Variants in CDH20 observed in about 807,000 individuals in gnomAD.
CDH20 encodes the protein cadherin-20.
Under a neutral mutation model 74.2 loss-of-function variants are expected in CDH20, and 29 were observed. That is an observed-to-expected ratio of 0.39 (90% CI 0.29 to 0.53). The LOEUF (loss-of-function observed/expected upper bound fraction) is 0.53, where lower values mean the gene tolerates loss of function less well. Ranked by LOEUF, CDH20 falls within the 20% of genes least tolerant of loss-of-function variation. The pLI, the probability that CDH20 is intolerant of heterozygous loss-of-function variation, is 0.69. For synonymous variants in CDH20, 469 were observed against 405.4 expected, an observed-to-expected ratio of 1.16 and a Z score of -1.88; for missense variants, 988 against 1,048.3, an observed-to-expected ratio of 0.94 and a Z score of 0.79.
chr18:61,532,990 A>G (rs1451115708), intron 7 of CDH20, among the ~76,000 whole-genome samples: 1 of 152,222 alleles, frequency 6.6e-6, no homozygotes, highest in Non-Finnish European at 1.5e-5. Flanking sequence ...ATTGCATAAA[A>G]GTGACTTCAG....
At chr18:61,491,775 A>G (rs1599121861) in intron 2 of CDH20, among the ~76,000 whole-genome samples, 3 of 151,962 alleles carry the variant, frequency 2.0e-5, no homozygotes, top group African/African-American at 7.3e-5. Flanking sequence ...AGACCTCTCT[A>G]CTGCCCAATC....
At chr18:61,510,106 C>T (rs1455584288) in intron 6 of CDH20, among the ~76,000 whole-genome samples, 2 of 152,154 alleles carry the variant, frequency 1.3e-5, no homozygotes, top group African/African-American at 4.8e-5. Flanking sequence ...GTAGAAGGGT[C>T]CTGCACTGGA....
At chr18:61,549,271 T>TC (rs1478363637) in intron 10 of CDH20, among the ~76,000 whole-genome samples, 1 of 152,190 alleles carries the variant, frequency 6.6e-6, no homozygotes, top group Non-Finnish European at 1.5e-5. Context: ...ATTTGACTAA[T>TC]CCCCTTTAAA....
intron 1 of CDH20, among the ~76,000 whole-genome samples, chr18:61,416,989 C>T (rs901661369): frequency 2.0e-5 from 3 of 152,056 alleles, no homozygotes; most frequent in African/African-American, 7.2e-5. Context: ...ATATAAAGCA[C>T]CAGAAAAATA....
intron 6 of CDH20, among the ~76,000 whole-genome samples, chr18:61,527,121 A>C (rs1223477988): frequency 6.6e-6 from 1 of 152,160 alleles, no homozygotes; most frequent in East Asian, 1.9e-4. Context: ...TGGAGGTTGC[A>C]ATGAGCTGAG....
At chr18:61,447,350 C>A (rs1909235068) in intron 1 of CDH20, among the ~76,000 whole-genome samples, 1 of 152,142 alleles carries the variant, frequency 6.6e-6, no homozygotes, top group Admixed American at 6.6e-5. Flanking sequence ...ATAGCTAAAG[C>A]CACTGGTTGG....
intron 1 of CDH20, among the ~76,000 whole-genome samples, chr18:61,480,334 G>A (rs1325227126): frequency 1.3e-5 from 2 of 152,146 alleles, no homozygotes; most frequent in South Asian, 2.1e-4. Flanking sequence ...TTTTGCCAAG[G>A]TTGAGGACTC....
At chr18:61,541,360 T>G (rs2144397286) in intron 9 of CDH20, among the ~76,000 whole-genome samples, 1 of 152,068 alleles carries the variant, frequency 6.6e-6, no homozygotes, top group Non-Finnish European at 1.5e-5. Flanking sequence ...AAGCTAATTT[T>G]AATCTATAAT....
At chr18:61,470,571 C>A (rs908698245) in intron 1 of CDH20, among the ~76,000 whole-genome samples, 2 of 150,414 alleles carry the variant, frequency 1.3e-5, no homozygotes, top group Non-Finnish European at 2.9e-5. Flanking sequence ...TGCTCATTCA[C>A]GCCTTAACGG....
intron 1 of CDH20, among the ~76,000 whole-genome samples, chr18:61,401,615 G>A (rs1172327747): frequency 1.3e-5 from 2 of 152,326 alleles, no homozygotes; most frequent in South Asian, 4.1e-4. Context: ...AAGTCTATAA[G>A]TAATGTTGAT....
rs1310219320 is a variant in CDH20, at chr18:61,555,158, C to G, written c.*463C>G. The G allele has an allele frequency of 2.0e-6, 2 of 992,010 alleles. No homozygotes were observed. Among genetic ancestry groups the G allele is most frequent in the Non-Finnish European group, 1.2e-6 (1 of 834,424 alleles). 61.5% of individuals were successfully genotyped at this position (992,010 alleles called of 1,614,324 possible). ...GCTGGCTCAAACCACAGAAACCAAC[C>G]CACAAGAAAGAACAAAAAACTTGTT... On this transcript the variant is annotated 3_prime_UTR_variant, in exon 12 of 12. Transcript: ENST00000262717.
intron 1 of CDH20, among the ~76,000 whole-genome samples, chr18:61,413,071 A>G (rs1295562154): frequency 6.6e-6 from 1 of 152,210 alleles, no homozygotes; most frequent in African/African-American, 2.4e-5. Flanking sequence ...CAGAGTACTT[A>G]TTTTATCTTT....
chr18:61,554,119 GACT>G, intron 11 of CDH20, 68 bp from the exon 12 acceptor site: 1 of 1,539,418 alleles, frequency 6.5e-7, no homozygotes, highest in Non-Finnish European at 8.8e-7. Context: ...GGTGAATCAA[GACT>G]ACTTCTAGTC....
chr18:61,511,593 G>A (rs938320492), intron 6 of CDH20, among the ~76,000 whole-genome samples: 2 of 152,046 alleles, frequency 1.3e-5, no homozygotes, highest in African/African-American at 4.8e-5. Context: ...AATAATGTCT[G>A]AGATAATTCT....
At chr18:61,458,383 C>A (rs1909651266) in intron 1 of CDH20, among the ~76,000 whole-genome samples, 1 of 152,124 alleles carries the variant, frequency 6.6e-6, no homozygotes, top group African/African-American at 2.4e-5. Flanking sequence ...CCATTCTTTG[C>A]CATATTTGGG....
chr18:61,538,475 G>A (rs1414039667), intron 8 of CDH20, among the ~76,000 whole-genome samples: 12 of 151,656 alleles, frequency 7.9e-5, no homozygotes, highest in Non-Finnish European at 1.8e-4. Context: ...TCTCATGTCC[G>A]GCCACACTCT....
Position 61,538,964 on chromosome 18 carries a change from C to T in CDH20, c.1409-60C>T. ...CCGACTTCTAGCAAAAACCATTACT[C>T]TTTTTTTTCTTTTGGCATTACTAAA... is the stretch of plus-strand genomic sequence containing the variant. On this transcript the variant is annotated intron_variant, in intron 8 of 11. Transcript: ENST00000262717. The T allele has an allele frequency of 1.9e-6, 3 of 1,540,644 alleles. No individual in the cohort carries two copies. In the East Asian group the frequency reaches 6.9e-5, roughly 35 times the overall value.
At chr18:61,467,018 G>A (rs1909984527) in intron 1 of CDH20, among the ~76,000 whole-genome samples, 1 of 152,132 alleles carries the variant, frequency 6.6e-6, no homozygotes, top group East Asian at 1.9e-4. Flanking sequence ...CAGCCTGGGG[G>A]ATGGGCAAGT....
intron 1 of CDH20, among the ~76,000 whole-genome samples, chr18:61,481,022 G>T (rs1350333176): frequency 1.3e-5 from 2 of 152,132 alleles, no homozygotes. Flanking sequence ...AAAGCTTGAA[G>T]GTAGAAAGAA....
Sources: gnomAD v4.1 joint callset for allele counts (sites outside exome capture counted in the v4.1 genomes callset) on GRCh38, gnomAD v4.1.1 for gene constraint, MANE v1.5 for transcripts, NCBI Gene and HGNC (gene_info 2026-07-23, HGNC 2026-07-21) for gene names.